NEK6: variants seen among roughly 807,000 people sequenced by gnomAD.
NEK6 encodes NIMA related kinase 6, also known as serine/threonine-protein kinase Nek6.
Under a neutral mutation model 43.5 loss-of-function variants are expected in NEK6, and 27 were observed. The ratio of observed to expected loss-of-function variants is 0.62; its 90% CI spans 0.46 to 0.86. The LOEUF (loss-of-function observed/expected upper bound fraction) is 0.86, where lower values mean the gene tolerates loss of function less well. NEK6 is among the 40% of genes least tolerant of loss of function. The probability of loss-of-function intolerance (pLI) is 0.00; values close to 1 mark genes in which losing one functional copy is unlikely to be tolerated. For synonymous variants in NEK6, 167 were observed against 164.1 expected (o/e 1.02, Z -0.14); for missense variants, 318 against 414.4 (o/e 0.77, Z 2.02).
intron 3 of NEK6, 143 bp from the exon 4 acceptor site, chr9:124,313,780 G>T: frequency 2.7e-6 from 2 of 738,310 alleles, no homozygotes; most frequent in Non-Finnish European, 4.6e-6. Flanking sequence ...AGCCCTACAG[G>T]GGCTGGGAGT....
chr9:124,333,734 TCTC>T (rs1307643584), intron 7 of NEK6, among the ~76,000 whole-genome samples: 1 of 150,780 alleles, frequency 6.6e-6, no homozygotes, highest in Non-Finnish European at 1.5e-5. Context: ...CTAACCAGCC[TCTC>T]CAGGCAATTC....
intron 8 of NEK6, among the ~76,000 whole-genome samples, chr9:124,345,152 T>A (rs1180304049): frequency 6.6e-6 from 1 of 152,136 alleles, no homozygotes; most frequent in Non-Finnish European, 1.5e-5. Context: ...GGGCTTGGCA[T>A]TTGAGGAGCA....
chr9:124,290,773 G>A (rs1832380727), intron 1 of NEK6, among the ~76,000 whole-genome samples: 1 of 152,204 alleles, frequency 6.6e-6, no homozygotes, highest in Admixed American at 6.5e-5. Flanking sequence ...AACCCTGCTG[G>A]TCCTTCTGGG....
Position 124,346,764 on chromosome 9 carries a change from G to C in NEK6, c.718-945G>C, listed in dbSNP as rs1471372736. On this transcript the variant is annotated intron_variant, in intron 8 of 9. Coordinates refer to ENST00000320246, the MANE Select transcript of NEK6 (RefSeq NM_014397.6). ...TCCCCTGTGAGTGCCCTGAGTGGTG[G>C]GGCAGCCTGGCAGCACCCTGACAGC... 4.6e-5 allele frequency among the ~76,000 whole-genome samples: 7 copies of C among 152,314 alleles called. No individual in the cohort carries two copies. The East Asian group carries it at 1.4e-3, about 29-fold the overall frequency.
chr9:124,319,205 G>A (rs1290646852), intron 4 of NEK6, among the ~76,000 whole-genome samples: 1 of 151,472 alleles, frequency 6.6e-6, no homozygotes, highest in East Asian at 1.9e-4. Context: ...GGCTGGTCTC[G>A]AACTCCTGAT....
At chr9:124,319,280 A>C (rs183527955) in intron 4 of NEK6, among the ~76,000 whole-genome samples, 1 of 151,424 alleles carries the variant, frequency 6.6e-6, no homozygotes, top group Non-Finnish European at 1.5e-5. Flanking sequence ...CACCATGTCC[A>C]GCCTCCTCTG....
intron 1 of NEK6, among the ~76,000 whole-genome samples, chr9:124,270,071 C>CA (rs940914438): frequency 6.7e-6 from 1 of 150,274 alleles, no homozygotes; most frequent in African/African-American, 2.4e-5. Flanking sequence ...CCTTCCACGC[C>CA]CCCCCCCCAT....
intron 8 of NEK6, among the ~76,000 whole-genome samples, chr9:124,347,474 T>C (rs1447980056): frequency 6.6e-6 from 1 of 152,248 alleles, no homozygotes; most frequent in Non-Finnish European, 1.5e-5. Context: ...TTGAAAGTTT[T>C]GTCACCGAAA....
At chr9:124,287,408 G>A (rs1242905111) in intron 1 of NEK6, among the ~76,000 whole-genome samples, 1 of 152,184 alleles carries the variant, frequency 6.6e-6, no homozygotes, top group Non-Finnish European at 1.5e-5. Flanking sequence ...GGCAAGTCGT[G>A]GCCACTCCTG....
intron 1 of NEK6, among the ~76,000 whole-genome samples, chr9:124,262,171 C>T (rs773346263): frequency 7.2e-5 from 11 of 152,158 alleles, no homozygotes; most frequent in Non-Finnish European, 1.3e-4. Context: ...TGTCTTTTCA[C>T]TTATGACTCT....
In NEK6 at chr9:124,321,504, G is replaced by C; in HGVS notation, c.340G>C (p.Glu114Gln). 2 of 1,614,004 alleles carry C rather than the reference G, an allele frequency of 1.2e-6. No homozygotes were observed. ...CATCAAGTATTTGGACTCGTTTATC[G>C]AAGACAACGAGCTGAACATTGTGCT... ...NIIKYLDSFI[E>Q]DNELNIVLEL... The change falls in exon 5 of 10, where the codon GAA becomes CAA. Residue 114 changes from glutamate to glutamine, a missense_variant. Physicochemically the swap from Glu to Gln is conservative, Grantham distance 29. Coordinates refer to ENST00000320246, the MANE Select transcript of NEK6 (RefSeq NM_014397.6).
chr9:124,335,927 T>C (rs1157070359), intron 7 of NEK6, among the ~76,000 whole-genome samples: 3 of 151,396 alleles, frequency 2.0e-5, no homozygotes, highest in Non-Finnish European at 2.9e-5. Flanking sequence ...CTGGGCAACA[T>C]AGTGAGAACC....
rs991867097 is a variant in NEK6, at chr9:124,305,730, A to T, written c.90+3676A>T. On this transcript the variant is annotated intron_variant, in intron 2 of 9. Coordinates refer to ENST00000320246, the MANE Select transcript of NEK6 (RefSeq NM_014397.6). ...TGCAGAGAGGTGGAAGCTCCCCGGGAGGGATGGACAGATGCTGGGAGAGCC... is the reference window on the plus strand; with the variant it reads ...TGCAGAGAGGTGGAAGCTCCCCGGGTGGGATGGACAGATGCTGGGAGAGCC... 2.6e-5 allele frequency among the ~76,000 whole-genome samples: 4 copies of T among 151,972 alleles called. No homozygotes were observed. In the South Asian group the frequency reaches 8.3e-4, roughly 32 times the overall value.
At position 124,301,982 on chromosome 9, in the gene NEK6, C is replaced by A; in HGVS notation, c.18C>A (p.Gly6=). Residue 6 remains glycine (G), a synonymous_variant, in exon 2 of 10, where the codon GGC becomes GGA. Transcript: ENST00000320246. MAGQP[G]HMPHGGSSNN... is the part of the protein sequence containing the mutation. ...CATGCAGGATGGCAGGACAGCCCGG[C>A]CACATGCCCCATGGAGGGAGTTCCA... 1 of 1,602,094 alleles carries A rather than the reference C, an allele frequency of 6.2e-7. No individual in the cohort carries two copies. The highest frequency in any genetic ancestry group is 8.5e-7 in the Non-Finnish European group (1 of 1,174,340).
chr9:124,272,315 T>C (rs1451371987), intron 1 of NEK6, among the ~76,000 whole-genome samples: 1 of 152,188 alleles, frequency 6.6e-6, no homozygotes, highest in East Asian at 1.9e-4. Context: ...ATCCAGGCGC[T>C]CTGCTGAGAT....
chr9:124,326,462 G>T lies in NEK6; in HGVS notation c.514+24G>T, dbSNP rs189676085. 1.1e-5 allele frequency: 15 copies of T among 1,421,370 alleles called. No individual in the cohort carries two copies. The highest frequency in any genetic ancestry group is 4.0e-5 in the Admixed American group (2 of 49,874). 88.0% of individuals were successfully genotyped at this position (1,421,370 alleles called of 1,614,324 possible). A position where few individuals can be genotyped will look rare whatever the true frequency, so the allele number is the denominator to read the frequency against. ...AGGTACGTGCCACCCGCCAGGAGCCGCCCGGAGCCACCTGGAGCCCAGGAA... is the reference window on the plus strand; with the variant it reads ...AGGTACGTGCCACCCGCCAGGAGCCTCCCGGAGCCACCTGGAGCCCAGGAA... On this transcript the variant is annotated intron_variant, in intron 6 of 9. Coordinates refer to ENST00000320246, the MANE Select transcript of NEK6 (RefSeq NM_014397.6). The surrounding 1 kb of genome is among the most constrained non-coding windows in gnomAD (Gnocchi z 4.5).
chr9:124,269,639 A>G (rs1312047853), intron 1 of NEK6, among the ~76,000 whole-genome samples: 1 of 152,116 alleles, frequency 6.6e-6, no homozygotes, highest in Non-Finnish European at 1.5e-5. Flanking sequence ...ATCACAGGAA[A>G]GGAAGGTGAT....
intron 1 of NEK6, chr9:124,292,374 T>C: frequency 1.3e-6 from 2 of 1,514,046 alleles, no homozygotes; most frequent in East Asian, 4.9e-5. Context: ...CCAGAACTTC[T>C]GAGTTTCCAG....
In NEK6 at chr9:124,326,204, C is replaced by CT. The variant is rs1588517430; in HGVS notation, c.406-126_406-125insT. On this transcript the variant is annotated intron_variant, in intron 5 of 9. Transcript: ENST00000320246. The surrounding 1 kb of genome is among the most constrained non-coding windows in gnomAD (Gnocchi z 4.5). The stretch of plus-strand genomic sequence containing the variant: ...TTATTGTTTGCTCAGTGGCTCAATC[C>CT]CCCCCCCCCGCCCCTGCCAGGCACC... 2.6e-5 allele frequency: 2 copies of CT among 77,492 alleles called. No individual in the cohort carries two copies. The highest frequency in any genetic ancestry group is 4.7e-5 in the Non-Finnish European group (2 of 42,922). The allele number at this position is 77,492 out of a possible 1,614,324, so 4.8% of individuals were successfully genotyped here. A position where few individuals can be genotyped will look rare whatever the true frequency, so the allele number is the denominator to read the frequency against.
Sources: gnomAD v4.1 joint callset for allele counts (sites outside exome capture counted in the v4.1 genomes callset) on GRCh38, gnomAD v4.1.1 for gene constraint, Gnocchi (gnomAD v3.1) non-coding constraint, MANE v1.5 for transcripts, NCBI Gene and HGNC (gene_info 2026-07-23, HGNC 2026-07-21) for gene names.